Variants in GTF2H1 observed in about 807,000 individuals in gnomAD.
GTF2H1 encodes BTF2 p62.
A neutral mutation model predicts 71.2 loss-of-function variants in GTF2H1; 16 were observed. The observed-to-expected ratio is 0.22, with a 90% CI of 0.15 to 0.34. The LOEUF is 0.34. Ranked by LOEUF, GTF2H1 falls within the 10% of genes least tolerant of loss-of-function variation. The pLI is 1.00. For missense variants in GTF2H1, 498 were observed against 648.2 expected (o/e 0.77, Z 2.52); for synonymous variants, 215 against 219.0 (o/e 0.98, Z 0.16).
chr11:18,328,720 G>A (rs180830393), intron 1 of GTF2H1, among the ~76,000 whole-genome samples: 4 of 151,638 alleles, frequency 2.6e-5, no homozygotes. Flanking sequence ...CGGCTACTCT[G>A]GAGGCTGAGG....
At chr11:18,361,152 T>C (rs1236103748) in intron 14 of GTF2H1, among the ~76,000 whole-genome samples, 2 of 152,192 alleles carry the variant, frequency 1.3e-5, no homozygotes, top group Non-Finnish European at 2.9e-5. Flanking sequence ...TATTGAAATG[T>C]GTCATGCATT....
chr11:18,333,275 C>G, intron 2 of GTF2H1, 47 bp downstream of exon 2: 3 of 1,351,462 alleles, frequency 2.2e-6, no homozygotes, highest in Non-Finnish European at 3.1e-6. Flanking sequence ...GTCATAGTTG[C>G]TAGTAATTTT....
chr11:18,348,482 A>C (rs1370534501), intron 9 of GTF2H1: 2 of 153,892 alleles, frequency 1.3e-5, no homozygotes, highest in East Asian at 3.8e-4. Flanking sequence ...TTTCTTAGAG[A>C]GCAGTCAGGC....
intron 7 of GTF2H1, 134 bp downstream of exon 7, chr11:18,341,741 C>T (rs935788807): frequency 1.2e-5 from 7 of 563,494 alleles, no homozygotes; most frequent in African/African-American, 1.9e-5. Context: ...AGTGATTTAT[C>T]GGAAGTGCTT....
intron 3 of GTF2H1, among the ~76,000 whole-genome samples, chr11:18,337,230 A>G (rs1590185867): frequency 6.6e-6 from 1 of 152,122 alleles, no homozygotes; most frequent in South Asian, 2.1e-4. Context: ...GAAGTTCAAG[A>G]CCAACCCAGC....
intron 7 of GTF2H1, among the ~76,000 whole-genome samples, chr11:18,344,645 A>ATATAAATCAGATCCTAATAATCCCC (rs1565011634): frequency 6.6e-6 from 1 of 151,754 alleles, no homozygotes; most frequent in East Asian, 1.9e-4. Context: ...AAGGATTATA[A>ATATAAATCAGATCCTAATAATCCCC]TATAAATCAG....
chr11:18,357,612 C>G (rs1865587202), intron 11 of GTF2H1, among the ~76,000 whole-genome samples: 1 of 152,126 alleles, frequency 6.6e-6, no homozygotes, highest in South Asian at 2.1e-4. Context: ...TACCTGTTTT[C>G]TTTCCTTAAA....
chr11:18,335,971 G>C, intron 3 of GTF2H1, 25 bp downstream of exon 3: 3 of 1,572,774 alleles, frequency 1.9e-6, no homozygotes, highest in Non-Finnish European at 2.6e-6. Flanking sequence ...ATAGCCTTTT[G>C]AAAGAGATAC....
At chr11:18,340,042 A>G (rs557695330) in intron 5 of GTF2H1, among the ~76,000 whole-genome samples, 122 of 152,290 alleles carry the variant, frequency 8.0e-4, no homozygotes, top group African/African-American at 2.0e-3. Context: ...TCTTCTGACT[A>G]AGCAGTACTC....
At position 18,358,052 on chromosome 11, in the gene GTF2H1, G is replaced by A. The variant is rs770604425; in HGVS notation, c.1351+10G>A. ...CAGCAAGCCATAAACCGTATGTGCC[G>A]GGCCATCTTCTACTACTTTCTGCCT... On this transcript the variant is annotated intron_variant, in intron 12 of 14. Coordinates refer to ENST00000265963, the MANE Select transcript of GTF2H1 (RefSeq NM_005316.4). 2.3e-5 allele frequency: 37 copies of A among 1,593,596 alleles called. No individual in the cohort carries two copies. The highest frequency in any genetic ancestry group is 3.3e-5 in the South Asian group (3 of 90,296).
At chr11:18,359,107 AT>A (rs1194416292) in intron 13 of GTF2H1, among the ~76,000 whole-genome samples, 1 of 152,242 alleles carries the variant, frequency 6.6e-6, no homozygotes, top group Non-Finnish European at 1.5e-5. Context: ...ATAAACTATG[AT>A]TAAGTAAAAG....
intron 7 of GTF2H1, among the ~76,000 whole-genome samples, chr11:18,342,593 A>G (rs4150610): frequency 0.73 from 110,364 of 152,008 alleles, 40,492 homozygotes; most frequent in East Asian, 0.97. Context: ...TTGATCATAC[A>G]GTGAGTTTTT....
chr11:18,349,351 G>C (rs4150642), intron 9 of GTF2H1, among the ~76,000 whole-genome samples: 131,753 of 152,274 alleles, frequency 0.87, 57,348 homozygotes, highest in East Asian at 0.97. Context: ...TATACTGTTG[G>C]GCTGAGTACC....
At chr11:18,336,709 T>G (rs1565007613) in intron 3 of GTF2H1, among the ~76,000 whole-genome samples, 1 of 152,016 alleles carries the variant, frequency 6.6e-6, no homozygotes, top group Non-Finnish European at 1.5e-5. Context: ...ACAAGAAACC[T>G]AAAATAATTC....
chr11:18,343,938 A>G (rs4150618), intron 7 of GTF2H1, among the ~76,000 whole-genome samples: 85 of 152,138 alleles, frequency 5.6e-4, no homozygotes, highest in Non-Finnish European at 5.3e-4. Flanking sequence ...GGCTCAAGCA[A>G]TCTGCCTTAG....
Position 18,341,499 on chromosome 11 carries a change from C to G in GTF2H1, c.758-29C>G, listed in dbSNP as rs771759228. Reference sequence around the variant, plus strand: ...TAATTTCTGAGACAGATAAGACATGCTGAACTTTTTATTTTGTTGATTTTC... The same window carrying G: ...TAATTTCTGAGACAGATAAGACATGGTGAACTTTTTATTTTGTTGATTTTC... On this transcript the variant is annotated intron_variant, in intron 6 of 14. Coordinates refer to ENST00000265963, the MANE Select transcript of GTF2H1 (RefSeq NM_005316.4). 19 of 1,604,224 alleles carry G rather than the reference C, an allele frequency of 1.2e-5. No homozygotes were observed. In the African/African-American group the frequency reaches 1.9e-4, roughly 16 times the overall value.
chr11:18,351,793 C>T, intron 9 of GTF2H1, 88 bp from the exon 10 acceptor site: 2 of 681,792 alleles, frequency 2.9e-6, no homozygotes, highest in East Asian at 2.6e-5. Context: ...TCATTTTTTA[C>T]CCTCTGTACA....
chr11:18,355,569 A>G (rs1164884246), intron 11 of GTF2H1, among the ~76,000 whole-genome samples: 1 of 151,984 alleles, frequency 6.6e-6, no homozygotes, highest in Non-Finnish European at 1.5e-5. Flanking sequence ...GTAGTGGCAC[A>G]ATCTCGGCTC....
At chr11:18,351,285 A>AT (rs56307193) in intron 9 of GTF2H1, among the ~76,000 whole-genome samples, 90,040 of 140,518 alleles carry the variant, frequency 0.64, 29,294 homozygotes, top group East Asian at 0.92. Flanking sequence ...AAGAGGCGGA[A>AT]TTTTTTTTTT....
Sources: allele counts gnomAD v4.1 joint callset (sites outside exome capture counted in the v4.1 genomes callset), GRCh38; gene constraint gnomAD v4.1.1; transcripts MANE v1.5; gene names NCBI Gene and HGNC (gene_info 2026-07-23, HGNC 2026-07-21).